Variants in CDC27 observed in about 807,000 individuals in gnomAD.
The protein encoded by CDC27 is cell division cycle protein 27 homolog.
CDC27 carries 27 observed loss-of-function variants against 109.7 expected under a neutral mutation model. That is an observed-to-expected ratio of 0.25 (90% CI 0.18 to 0.34). CDC27 has a LOEUF of 0.34. Ranked by LOEUF, CDC27 falls within the 10% of genes least tolerant of loss-of-function variation. The probability of loss-of-function intolerance (pLI) is 1.00; values close to 1 mark genes in which losing one functional copy is unlikely to be tolerated. For missense variants in CDC27, 579 were observed against 960.2 expected (o/e 0.60, Z 5.25); for synonymous variants, 266 against 333.9 (o/e 0.80, Z 2.22).
Position 47,170,010 on chromosome 17 carries a change from C to A in CDC27, c.284G>T (p.Gly95Val). ...LAEGEQILSG[G>V]VFNKQKSHDD... is the part of the protein sequence containing the mutation. ...ATGGCTTTTCTGCTTATTAAACACT[C>A]CACCAGATAAGATTTGTTCCCCTTC... Residue 95 changes from glycine to valine, a missense_variant, in exon 4 of 19, where the codon GGA becomes GTA. Physicochemically the swap from Gly to Val is moderately radical, Grantham distance 109 (BLOSUM62 -3). Transcript: ENST00000066544. 2 of 1,562,986 alleles carry A rather than the reference C, an allele frequency of 1.3e-6. No individual in the cohort carries two copies. The highest frequency in any genetic ancestry group is 1.7e-6 in the Non-Finnish European group (2 of 1,157,186).
intron 1 of CDC27, among the ~76,000 whole-genome samples, chr17:47,185,661 G>C (rs937219440): frequency 6.6e-6 from 1 of 151,916 alleles, no homozygotes; most frequent in African/African-American, 2.4e-5. Flanking sequence ...CTCAGCCTCT[G>C]AAAGTGCTGG....
chr17:47,189,235 G>GC lies in CDC27; in HGVS notation c.-64dup. Reference sequence around the variant, plus strand: ...CCCCCCCTGTAGCGGCTCCGGCCCGGCCAGCCCCTGCTCATTTAAACTCAC... The same window carrying GC: ...CCCCCCCTGTAGCGGCTCCGGCCCGGCCCAGCCCCTGCTCATTTAAACTCAC... On this transcript the variant is annotated 5_prime_UTR_variant, in exon 1 of 19. An upstream open reading frame in the 5' UTR loses its in-frame stop. Coordinates refer to ENST00000066544, the MANE Select transcript of CDC27 (RefSeq NM_001256.6). The GC allele has an allele frequency of 7.8e-7, 1 of 1,286,410 alleles. No individual in the cohort carries two copies. The highest frequency in any genetic ancestry group is 1.1e-6 in the Non-Finnish European group (1 of 883,478). The allele number at this position is 1,286,410 out of a possible 1,614,324, so 79.7% of individuals were successfully genotyped here. A position where few individuals can be genotyped will look rare whatever the true frequency, so the allele number is the denominator to read the frequency against.
chr17:47,141,914 T>C lies in CDC27; in HGVS notation c.1490A>G (p.Asn497Ser), dbSNP rs1164221714. 4 of 1,606,090 alleles carry C rather than the reference T, an allele frequency of 2.5e-6. No homozygotes were observed. The highest frequency in any genetic ancestry group is 2.2e-5 in the East Asian group (1 of 44,666). Residue 497 changes from asparagine to serine, a missense_variant, in exon 12 of 19, where the codon AAT becomes AGT. By Grantham distance (46) the Asn-to-Ser change is conservative (BLOSUM62 1). Around this residue, in one of 9 missense-constraint regions of CDC27, gnomAD observed 4 missense variants for 25.7 expected, o/e 0.16. Transcript: ENST00000066544. Reference protein sequence around the residue: ...ILSHLPSHHYNTGWVLCQIGR... With the variant: ...ILSHLPSHHYSTGWVLCQIGR... ...AATTTGGCACAGTACCCAACCAGTATTGTAGTGGTGAGAAGGTAGATGGCT... is the reference window on the plus strand; with the variant it reads ...AATTTGGCACAGTACCCAACCAGTACTGTAGTGGTGAGAAGGTAGATGGCT...
At chr17:47,188,799 G>A in intron 1 of CDC27, 1 of 1,191,004 alleles carries the variant, frequency 8.4e-7, no homozygotes, top group Admixed American at 3.7e-5. Flanking sequence ...TCATCTTTTA[G>A]GCAAGAGAGC....
intron 14 of CDC27, among the ~76,000 whole-genome samples, chr17:47,135,405 C>G (rs922646861): frequency 6.7e-6 from 1 of 149,390 alleles, no homozygotes; most frequent in African/African-American, 2.5e-5. Context: ...ATGGCCATAA[C>G]TAGATGATGA....
intron 16 of CDC27, among the ~76,000 whole-genome samples, chr17:47,124,284 T>TATCTATCTATCC (rs2062069072): frequency 6.6e-6 from 1 of 151,764 alleles, no homozygotes; most frequent in African/African-American, 2.4e-5. Context: ...TCTATCTATC[T>TATCTATCTATCC]ATTCATTTTT....
intron 2 of CDC27, among the ~76,000 whole-genome samples, chr17:47,174,375 T>C (rs1242555670): frequency 6.6e-6 from 1 of 152,234 alleles, no homozygotes; most frequent in East Asian, 1.9e-4. Flanking sequence ...GAAAACTTCT[T>C]GAGGCTGATC....
At chr17:47,175,074 GAAGGAAGGAAGGAAGGAAGGAAGT>G (rs1156327864) in intron 2 of CDC27, among the ~76,000 whole-genome samples, 190 of 135,516 alleles carry the variant, frequency 1.4e-3, no homozygotes, top group Middle Eastern at 3.5e-3. Context: ...AGGAAGGAAG[GAAGGAAGGAAGGAAGGAAGGAAGT>G]AAGTTGTAGC....
rs2285591 is a variant in CDC27 at position 47,189,213 on chromosome 17, C to A, written c.-41G>T. On this transcript the variant is annotated 5_prime_UTR_variant, in exon 1 of 19. Coordinates refer to ENST00000066544, the MANE Select transcript of CDC27 (RefSeq NM_001256.6). The stretch of plus-strand genomic sequence containing the variant: ...CCACTTTCTGCAGTGCCTCAGGCCC[C>A]CCCTGTAGCGGCTCCGGCCCGGCCA... The A allele has an allele frequency of 1.6e-4, 247 of 1,563,356 alleles. No individual in the cohort carries two copies. In the African/African-American group the frequency reaches 3.1e-3, roughly 20 times the overall value.
At chr17:47,181,297 C>T (rs372949976) in intron 2 of CDC27, 1 of 58,884 alleles carries the variant, frequency 1.7e-5, no homozygotes, top group Non-Finnish European at 3.6e-5. Flanking sequence ...CCCAAAACAA[C>T]AAAAACCCTG....
Position 47,129,374 on chromosome 17 carries a change from C to T in CDC27, c.2160+19G>A. On this transcript the variant is annotated intron_variant, in intron 16 of 18. Coordinates refer to ENST00000066544, the MANE Select transcript of CDC27 (RefSeq NM_001256.6). ...TTTAAGCAATACAACACTGAAGACC[C>T]TTAAGATATTTATCTTACCTTATAT... is the stretch of plus-strand genomic sequence containing the variant. 6.3e-7 allele frequency: 1 copy of T among 1,583,836 alleles called. No homozygotes were observed.
At chr17:47,144,771 C>A (rs567073588) in intron 9 of CDC27, among the ~76,000 whole-genome samples, 5 of 151,852 alleles carry the variant, frequency 3.3e-5, no homozygotes, top group Non-Finnish European at 5.9e-5. Flanking sequence ...GAGTCTGGGT[C>A]AAAGAATTTC....
At chr17:47,176,186 A>C (rs912643870) in intron 2 of CDC27, among the ~76,000 whole-genome samples, 1 of 152,224 alleles carries the variant, frequency 6.6e-6, no homozygotes, top group African/African-American at 2.4e-5. Context: ...TGCAGGGGGT[A>C]CATAAGTGTC....
chr17:47,158,273 T>A lies in CDC27; in HGVS notation c.408A>T (p.Glu136Asp). 1.3e-6 allele frequency: 2 copies of A among 1,571,992 alleles called. No homozygotes were observed. Among genetic ancestry groups the A allele is most frequent in the Non-Finnish European group, 1.7e-6 (2 of 1,159,642 alleles). Residue 136 changes from glutamate to aspartate, a missense_variant, in exon 5 of 19, where the codon GAA (glutamate) becomes GAT (aspartate). Glu to Asp is a conservative substitution (Grantham distance 45). Coordinates refer to ENST00000066544, the MANE Select transcript of CDC27 (RefSeq NM_001256.6). ...CKTDRLAKGS[E>D]CYQKSLSLNP... is the part of the protein sequence containing the mutation. ...TTAAACTAAGGCTCTTTTGGTAACATTCTGATCCTTTGGCAAGCCGATCTG... is the reference window on the plus strand; with the variant it reads ...TTAAACTAAGGCTCTTTTGGTAACAATCTGATCCTTTGGCAAGCCGATCTG...
chr17:47,182,177 A>G (rs1029161894), intron 1 of CDC27, among the ~76,000 whole-genome samples: 8 of 152,196 alleles, frequency 5.3e-5, no homozygotes, highest in African/African-American at 1.7e-4. Context: ...AAACTTCCCT[A>G]TCTATTACCT....
At chr17:47,122,875 T>C (rs565228744) in intron 17 of CDC27, among the ~76,000 whole-genome samples, 2 of 152,280 alleles carry the variant, frequency 1.3e-5, no homozygotes, top group East Asian at 3.9e-4. Context: ...GGTTTTGCCA[T>C]GTTAGCTAGG....
At chr17:47,177,433 T>C (rs2064057749) in intron 2 of CDC27, among the ~76,000 whole-genome samples, 1 of 152,158 alleles carries the variant, frequency 6.6e-6, no homozygotes, top group African/African-American at 2.4e-5. Context: ...AAAAATTAGG[T>C]GGGCGTGGCC....
At chr17:47,185,109 T>A (rs937376694) in intron 1 of CDC27, among the ~76,000 whole-genome samples, 1 of 152,158 alleles carries the variant, frequency 6.6e-6, no homozygotes, top group Admixed American at 6.5e-5. Flanking sequence ...TATTCTTAAA[T>A]ATAAAATATT....
intron 9 of CDC27, among the ~76,000 whole-genome samples, chr17:47,147,644 A>C (rs931971049): frequency 2.0e-5 from 3 of 151,896 alleles, no homozygotes; most frequent in Non-Finnish European, 4.4e-5. Context: ...AGGCCAAGCC[A>C]GGACTGCTTC....
Sources: gnomAD v4.1 joint callset for allele counts (sites outside exome capture counted in the v4.1 genomes callset) on GRCh38, gnomAD v4.1.1 for gene constraint, gnomAD v4.1.1 regional missense constraint, MANE v1.5 for transcripts, NCBI Gene and HGNC (gene_info 2026-07-23, HGNC 2026-07-21) for gene names.